MMP16: variants seen among roughly 807,000 people sequenced by gnomAD.
MMP16 encodes the protein matrix metallopeptidase 16, also known as matrix metalloproteinase-16.
A neutral mutation model predicts 67.8 loss-of-function variants in MMP16; 12 were observed. That is an observed-to-expected ratio of 0.18 (90% CI 0.11 to 0.29). The LOEUF (loss-of-function observed/expected upper bound fraction) is 0.29. Among genes scored for constraint, MMP16 ranks in the 10% least tolerant of loss-of-function variants. The pLI is 1.00. For synonymous variants in MMP16, 249 were observed against 255.9 expected (o/e 0.97, Z 0.26); for missense variants, 475 against 765.7 (o/e 0.62, Z 4.48).
chr8:88,205,245 G>A (rs1197746598), intron 1 of MMP16, among the ~76,000 whole-genome samples: 1 of 152,126 alleles, frequency 6.6e-6, no homozygotes, highest in African/African-American at 2.4e-5. Context: ...TTCAAATAGA[G>A]ACCTGACTGA....
chr8:88,236,507 A>C (rs1021077986), intron 1 of MMP16, among the ~76,000 whole-genome samples: 5 of 152,136 alleles, frequency 3.3e-5, no homozygotes, highest in African/African-American at 1.2e-4. Flanking sequence ...CTGTAATCCC[A>C]GCACTTTGGA....
intron 6 of MMP16, among the ~76,000 whole-genome samples, chr8:88,089,347 T>C (rs550969527): frequency 1.2e-4 from 19 of 152,106 alleles, no homozygotes; most frequent in African/African-American, 2.9e-4. Context: ...CTGAAGATTA[T>C]GGTGAACAGG....
In MMP16 at chr8:88,119,119, G is replaced by A. The variant is rs918356690; in HGVS notation, c.710-258C>T. ...CAAAAGGGAAGAACAAAGAATAAAA[G>A]TTGAAGAGCAGCAGCATTGGAAACT... On this transcript the variant is annotated intron_variant, in intron 4 of 9. Coordinates refer to ENST00000286614, the MANE Select transcript of MMP16 (RefSeq NM_005941.5). Among the ~76,000 whole-genome samples, 5 of 152,138 alleles carry A rather than the reference G, an allele frequency of 3.3e-5. No individual in the cohort carries two copies. The East Asian group carries it at 9.7e-4, about 30-fold the overall frequency.
chr8:88,273,035 GA>G (rs112682911), intron 1 of MMP16, among the ~76,000 whole-genome samples: 4,554 of 135,902 alleles, frequency 0.034, 217 homozygotes, highest in African/African-American at 0.11. Flanking sequence ...CAAAAAAAAA[GA>G]AAAAAAAAAA....
At chr8:88,156,176 C>T (rs1013033311) in intron 4 of MMP16, among the ~76,000 whole-genome samples, 3 of 151,956 alleles carry the variant, frequency 2.0e-5, no homozygotes, top group Admixed American at 2.0e-4. Context: ...TTTATAATAT[C>T]TCCTACTTTC....
rs1436269687 is a variant in MMP16 at position 88,138,721 on chromosome 8, A to G, written c.710-19860T>C. 3.3e-5 allele frequency among the ~76,000 whole-genome samples: 5 copies of G among 152,214 alleles called. No individual in the cohort carries two copies. In the East Asian group the frequency reaches 9.7e-4, roughly 30 times the overall value. On this transcript the variant is annotated intron_variant, in intron 4 of 9. Coordinates refer to ENST00000286614, the MANE Select transcript of MMP16 (RefSeq NM_005941.5). The stretch of plus-strand genomic sequence containing the variant: ...ATGTCCTAAGATCACCTAAGTATGT[A>G]AGCTCACCTTTCTTTGGTTCCTTTT...
intron 1 of MMP16, among the ~76,000 whole-genome samples, chr8:88,321,700 G>T (rs1362013869): frequency 6.6e-6 from 1 of 152,096 alleles, no homozygotes; most frequent in Non-Finnish European, 1.5e-5. Flanking sequence ...GGTCAATATT[G>T]CATTTCCCAT....
rs150478863 is a variant in MMP16, at chr8:88,281,492, G to T, written c.132+45583C>A. Among the ~76,000 whole-genome samples the T allele has an allele frequency of 4.4e-3, 672 of 152,306 alleles. 7 individuals are homozygous for T. The highest frequency in any genetic ancestry group is 0.015 in the African/African-American group (639 of 41,568). Reference sequence around the variant, plus strand: ...GAATGACTACAGCTTCAGCTGCCATGAGAAGGAAACTGAGATTGTTGTGGA... The same window carrying T: ...GAATGACTACAGCTTCAGCTGCCATTAGAAGGAAACTGAGATTGTTGTGGA... On this transcript the variant is annotated intron_variant, in intron 1 of 9. Coordinates refer to ENST00000286614, the MANE Select transcript of MMP16 (RefSeq NM_005941.5).
At chr8:88,083,492 A>T (rs1301661582) in intron 6 of MMP16, among the ~76,000 whole-genome samples, 2 of 152,138 alleles carry the variant, frequency 1.3e-5, no homozygotes, top group Non-Finnish European at 2.9e-5. Context: ...ATTTGGGATT[A>T]AAGTGGGAAT....
At chr8:88,080,823 A>T (rs1808737368) in intron 6 of MMP16, among the ~76,000 whole-genome samples, 1 of 152,146 alleles carries the variant, frequency 6.6e-6, no homozygotes, top group South Asian at 2.1e-4. Context: ...CCTAAGAAAA[A>T]AATTGGGTAT....
intron 6 of MMP16, among the ~76,000 whole-genome samples, chr8:88,101,329 C>T (rs1296332816): frequency 5.3e-5 from 8 of 151,842 alleles, no homozygotes; most frequent in Admixed American, 2.0e-4. Flanking sequence ...TCAGAAACTA[C>T]ATTCCTCCAC....
chr8:88,066,862 A>C (rs1808469807), intron 7 of MMP16, among the ~76,000 whole-genome samples: 1 of 152,128 alleles, frequency 6.6e-6, no homozygotes, highest in Admixed American at 6.6e-5. Flanking sequence ...ACATAAATTA[A>C]AAACAAACAA....
intron 3 of MMP16, among the ~76,000 whole-genome samples, chr8:88,168,874 A>AT (rs889634991): frequency 1.9e-4 from 29 of 149,928 alleles, no homozygotes; most frequent in South Asian, 6.4e-4. Flanking sequence ...AATATTTTTG[A>AT]TTTTTTTTTT....
At chr8:88,165,178 T>TAAAAAAAAAAAA (rs11325157) in intron 4 of MMP16, among the ~76,000 whole-genome samples, 1 of 95,262 alleles carries the variant, frequency 1.0e-5, no homozygotes, top group Admixed American at 1.2e-4. Context: ...ACCCCATCTC[T>TAAAAAAAAAAAA]AAAAAAAAAA....
chr8:88,144,688 A>AT (rs1808263604), intron 4 of MMP16, among the ~76,000 whole-genome samples: 1 of 151,952 alleles, frequency 6.6e-6, no homozygotes, highest in South Asian at 2.1e-4. Flanking sequence ...TTCTTCTTCA[A>AT]TACTATACTA....
chr8:88,132,914 G>A (rs1282293320), intron 4 of MMP16, among the ~76,000 whole-genome samples: 1 of 151,856 alleles, frequency 6.6e-6, no homozygotes, highest in Non-Finnish European at 1.5e-5. Context: ...ATTGTAATAT[G>A]TATGCAAGGG....
chr8:88,161,394 T>A (rs1238190660), intron 4 of MMP16, among the ~76,000 whole-genome samples: 5 of 152,162 alleles, frequency 3.3e-5, no homozygotes, highest in African/African-American at 1.2e-4. Context: ...AGTGGTGACA[T>A]CCCCTTTATC....
At chr8:88,054,278 T>A (rs550019883) in intron 8 of MMP16, among the ~76,000 whole-genome samples, 20 of 152,334 alleles carry the variant, frequency 1.3e-4, no homozygotes, top group Admixed American at 6.5e-4. Context: ...CCTTTCATTT[T>A]TGCCCTTTTT....
chr8:88,270,380 C>T (rs972346352), intron 1 of MMP16, among the ~76,000 whole-genome samples: 1 of 152,138 alleles, frequency 6.6e-6, no homozygotes, highest in Non-Finnish European at 1.5e-5. Flanking sequence ...GTAACTGGTA[C>T]AGGAATCAGT....
Sources: allele counts gnomAD v4.1 joint callset (sites outside exome capture counted in the v4.1 genomes callset), GRCh38; gene constraint gnomAD v4.1.1; transcripts MANE v1.5; gene names NCBI Gene and HGNC (gene_info 2026-07-23, HGNC 2026-07-21).